Variants in STK32C observed in about 807,000 individuals in gnomAD.
The protein encoded by STK32C is serine/threonine-protein kinase 32C.
A neutral mutation model predicts 56.5 loss-of-function variants in STK32C; 31 were observed. The observed-to-expected ratio is 0.55, with a 90% confidence interval of 0.41 to 0.74. STK32C has a LOEUF of 0.74. STK32C is among the 30% of genes least tolerant of loss of function. The probability of loss-of-function intolerance (pLI) is 0.00; values close to 1 mark genes in which losing one functional copy is unlikely to be tolerated. For missense variants in STK32C, 544 were observed against 676.9 expected (o/e 0.80, Z 2.18); for synonymous variants, 309 against 289.4 (o/e 1.07, Z -0.69).
chr10:132,214,860 CA>C (rs1418111447), intron 10 of STK32C, among the ~76,000 whole-genome samples: 11 of 151,720 alleles, frequency 7.3e-5, no homozygotes, highest in Admixed American at 5.3e-4. Context: ...AAAAATATTT[CA>C]AAAAGAAGTA....
intron 10 of STK32C, among the ~76,000 whole-genome samples, chr10:132,215,323 C>G (rs2062436971): frequency 6.6e-6 from 1 of 152,046 alleles, no homozygotes; most frequent in South Asian, 2.1e-4. Flanking sequence ...TTTTATAGAG[C>G]TGGTGATAAG....
chr10:132,268,656 T>C (rs548073053), intron 1 of STK32C, among the ~76,000 whole-genome samples: 1 of 150,190 alleles, frequency 6.7e-6, no homozygotes, highest in East Asian at 2.0e-4. Context: ...TGTGTGTGCA[T>C]GCATGTGTAT....
At chr10:132,228,553 G>A (rs575629109) in intron 2 of STK32C, among the ~76,000 whole-genome samples, 1 of 152,354 alleles carries the variant, frequency 6.6e-6, no homozygotes, top group East Asian at 1.9e-4. Flanking sequence ...CAGCATCCAG[G>A]CGTGAGTTGG....
chr10:132,254,789 G>A (rs1051421244), intron 1 of STK32C, among the ~76,000 whole-genome samples: 5 of 152,042 alleles, frequency 3.3e-5, no homozygotes, highest in African/African-American at 7.3e-5. Context: ...GGCACAATGC[G>A]TGCACCCCAC....
intron 2 of STK32C, among the ~76,000 whole-genome samples, chr10:132,240,221 C>T (rs958667014): frequency 1.3e-5 from 2 of 152,222 alleles, no homozygotes; most frequent in African/African-American, 2.4e-5. Context: ...CACCTGCAAG[C>T]TCTTCTCAGC....
intron 2 of STK32C, among the ~76,000 whole-genome samples, chr10:132,241,268 A>C (rs2063490595): frequency 6.6e-6 from 1 of 152,238 alleles, no homozygotes; most frequent in South Asian, 2.1e-4. Context: ...TCCAAAGAGG[A>C]CGCCGACTGC....
intron 1 of STK32C, among the ~76,000 whole-genome samples, chr10:132,265,095 T>TGAGGTGGGCTCTGGGGGTGCCG (rs1565125462): frequency 2.5e-5 from 2 of 81,128 alleles, no homozygotes; most frequent in African/African-American, 7.7e-5. Flanking sequence ...TGGGGGTGCC[T>TGAGGTGGGCTCTGGGGGTGCCG]CAAGGGCGGT....
chr10:132,224,366 G>A (rs1350740678), intron 8 of STK32C, 41 bp downstream of exon 8: 2 of 1,428,676 alleles, frequency 1.4e-6, no homozygotes, highest in Non-Finnish European at 9.6e-7. Context: ...GGAGGGAGGT[G>A]GGTGCTCGGA....
At chr10:132,238,546 T>A (rs112229437) in intron 2 of STK32C, among the ~76,000 whole-genome samples, 50 of 152,218 alleles carry the variant, frequency 3.3e-4, no homozygotes, top group African/African-American at 1.2e-3. Flanking sequence ...AGGCCTGCCC[T>A]GGTTGTCTGG....
intron 1 of STK32C, among the ~76,000 whole-genome samples, chr10:132,247,552 A>G (rs542399178): frequency 6.6e-6 from 1 of 152,124 alleles, no homozygotes; most frequent in Admixed American, 6.5e-5. Context: ...GCCCTCCAGG[A>G]CAAGTAGGCA....
At chr10:132,306,070 T>C (rs2066049660) in intron 1 of STK32C, among the ~76,000 whole-genome samples, 2 of 152,320 alleles carry the variant, frequency 1.3e-5, no homozygotes, top group South Asian at 2.1e-4. Context: ...CTAGTGATCC[T>C]TGAATTCTGT....
At chr10:132,282,295 T>G (rs1460915358) in intron 1 of STK32C, among the ~76,000 whole-genome samples, 1 of 152,238 alleles carries the variant, frequency 6.6e-6, no homozygotes, top group African/African-American at 2.4e-5. Flanking sequence ...CTGCGCCAGC[T>G]TCCCCAGGCC....
chr10:132,329,902 GA>G (rs1312686168), intron 1 of STK32C, among the ~76,000 whole-genome samples: 2 of 152,246 alleles, frequency 1.3e-5, no homozygotes, highest in African/African-American at 4.8e-5. Flanking sequence ...ACAAAGACAT[GA>G]AAAGAGAAGA....
At chr10:132,216,486 A>AG (rs1234038347) in intron 10 of STK32C, among the ~76,000 whole-genome samples, 9 of 150,338 alleles carry the variant, frequency 6.0e-5, no homozygotes, top group South Asian at 2.1e-4. Context: ...AAAAAAAGAG[A>AG]GAAAAAAAAG....
rs2066114786 is a variant in STK32C at position 132,307,508 on chromosome 10, G to T, written c.262+64C>A. The stretch of plus-strand genomic sequence containing the variant: ...GGGGGAACCCCTGCGGGAAAAAGCC[G>T]CCCAGCCGCGCCCGCCCCTGCAATA... On this transcript the variant is annotated intron_variant, in intron 1 of 11. Transcript: ENST00000298630. The surrounding 1 kb of genome is among the most constrained non-coding windows in gnomAD (Gnocchi z 4.4). 1 of 1,476,260 alleles carries T rather than the reference G, an allele frequency of 6.8e-7. No individual in the cohort carries two copies. Among genetic ancestry groups the T allele is most frequent in the Non-Finnish European group, 9.0e-7 (1 of 1,110,334 alleles). The allele number at this position is 1,476,260 out of a possible 1,614,324, so 91.4% of individuals were successfully genotyped here. A position where few individuals can be genotyped will look rare whatever the true frequency, so the allele number is the denominator to read the frequency against.
chr10:132,292,746 C>G (rs2065607969), intron 1 of STK32C, among the ~76,000 whole-genome samples: 1 of 152,234 alleles, frequency 6.6e-6, no homozygotes, highest in African/African-American at 2.4e-5. Context: ...ACACCAGACC[C>G]TGGGAAGCCA....
At chr10:132,261,639 C>T (rs2064310930) in intron 1 of STK32C, among the ~76,000 whole-genome samples, 1 of 152,150 alleles carries the variant, frequency 6.6e-6, no homozygotes. Context: ...GTGGTGCACA[C>T]CTGTAATCCC....
intron 2 of STK32C, among the ~76,000 whole-genome samples, chr10:132,243,574 G>A (rs1447627139): frequency 6.6e-6 from 1 of 152,202 alleles, no homozygotes; most frequent in East Asian, 1.9e-4. Context: ...AGAACCGGGG[G>A]CACCATGTAC....
chr10:132,225,328 T>C lies in STK32C; in HGVS notation c.781A>G (p.Ile261Val), dbSNP rs777240398. Residue 261 changes from isoleucine to valine, a missense_variant, in exon 7 of 12, where the codon ATC becomes GTC. Ile to Val is a conservative substitution (Grantham distance 29). Around this residue, in one of 3 missense-constraint regions of STK32C, gnomAD observed 85 missense variants for 149.9 expected, o/e 0.57. Coordinates refer to ENST00000298630, the MANE Select transcript of STK32C (RefSeq NM_173575.4). ...AGTKPYMAPE[I>V]FHSFVNGGTG... ...CCGCCGTTGACAAAAGAGTGGAAGA[T>C]CTCCGGAGCTTTCCGACAGAAAGAA... The C allele has an allele frequency of 1.1e-5, 17 of 1,609,564 alleles. No homozygotes were observed. Among genetic ancestry groups the C allele is most frequent in the Non-Finnish European group, 1.4e-5 (17 of 1,178,480 alleles).
Sources: gnomAD v4.1 joint callset for allele counts (sites outside exome capture counted in the v4.1 genomes callset) on GRCh38, gnomAD v4.1.1 for gene constraint, gnomAD v4.1.1 regional missense constraint, Gnocchi (gnomAD v3.1) non-coding constraint, MANE v1.5 for transcripts, NCBI Gene and HGNC (gene_info 2026-07-23, HGNC 2026-07-21) for gene names.